NCAM1: variants seen among roughly 807,000 people sequenced by gnomAD.
The protein encoded by NCAM1 is antigen recognized by monoclonal antibody 5.1H11.
A neutral mutation model predicts 109.8 loss-of-function variants in NCAM1; 14 were observed. That is an observed-to-expected ratio of 0.13 (90% confidence interval 0.08 to 0.20). The LOEUF is 0.20. Among genes scored for constraint, NCAM1 ranks in the 10% least tolerant of loss-of-function variants. NCAM1 has a pLI of 1.00. For synonymous variants in NCAM1, 418 were observed against 442.9 expected (o/e 0.94, Z 0.70); for missense variants, 774 against 1,109.9 (o/e 0.70, Z 4.30).
intron 7 of NCAM1, among the ~76,000 whole-genome samples, chr11:113,212,675 C>T (rs1480560856): frequency 1.3e-5 from 2 of 152,140 alleles, no homozygotes; most frequent in African/African-American, 4.8e-5. Flanking sequence ...GTGACTTTTA[C>T]AATATAGAGA....
chr11:113,126,576 C>T (rs1941186584), intron 1 of NCAM1, among the ~76,000 whole-genome samples: 1 of 152,220 alleles, frequency 6.6e-6, no homozygotes, highest in Admixed American at 6.5e-5. Context: ...TCTATTATAT[C>T]ATTACAGTTC....
At chr11:113,239,523 T>TTG (rs55838074) in intron 14 of NCAM1, among the ~76,000 whole-genome samples, 2 of 120,054 alleles carry the variant, frequency 1.7e-5, no homozygotes, top group Admixed American at 8.4e-5. Context: ...TTTTTTTTTT[T>TTG]GAGACGGAGT....
intron 16 of NCAM1, among the ~76,000 whole-genome samples, chr11:113,257,489 T>A (rs1244406279): frequency 6.6e-6 from 1 of 152,208 alleles, no homozygotes; most frequent in East Asian, 1.9e-4. Context: ...GAAACCTTTA[T>A]AAATGGTCAC....
chr11:113,225,438 G>A (rs1944814714), intron 9 of NCAM1, among the ~76,000 whole-genome samples: 1 of 152,200 alleles, frequency 6.6e-6, no homozygotes, highest in African/African-American at 2.4e-5. Context: ...TATGTGAAAA[G>A]ACCAAATCTA....
intron 1 of NCAM1, among the ~76,000 whole-genome samples, chr11:113,128,906 GGTGT>G (rs782123739): frequency 0.13 from 10,627 of 84,770 alleles, 589 homozygotes; most frequent in East Asian, 0.33. Flanking sequence ...AAGTTGTGAG[GGTGT>G]GTGTGTGTGT....
rs375015033 is a variant in NCAM1 at position 113,231,761 on chromosome 11, C to T, written c.1206C>T (p.Gly402=). ...TCTGCACCGCCAGCAACACCATCGGCCAGGACTCCCAGTCCATGTACCTTG... is the reference window on the plus strand; with the variant it reads ...TCTGCACCGCCAGCAACACCATCGGTCAGGACTCCCAGTCCATGTACCTTG... ...EYICTASNTI[G]QDSQSMYLEV... Residue 402 remains glycine, a synonymous_variant, in exon 10 of 20, where the codon GGC becomes GGT. Transcript: ENST00000316851. 5.0e-6 allele frequency: 8 copies of T among 1,613,846 alleles called. No individual in the cohort carries two copies. Among genetic ancestry groups the T allele is most frequent in the Admixed American group, 1.7e-5 (1 of 59,994 alleles).
chr11:113,156,341 C>G (rs1942408147), intron 1 of NCAM1, among the ~76,000 whole-genome samples: 1 of 151,950 alleles, frequency 6.6e-6, no homozygotes, highest in African/African-American at 2.4e-5. Context: ...ATAAGATGTA[C>G]AAAACATAGA....
At chr11:112,991,868 G>A (rs1951465021) in intron 1 of NCAM1, among the ~76,000 whole-genome samples, 1 of 152,120 alleles carries the variant, frequency 6.6e-6, no homozygotes, top group Admixed American at 6.5e-5. Flanking sequence ...TTAATGATGG[G>A]TAATGTAACA....
chr11:113,157,635 G>C (rs567194509), intron 1 of NCAM1, among the ~76,000 whole-genome samples: 1 of 151,972 alleles, frequency 6.6e-6, no homozygotes, highest in Admixed American at 6.6e-5. Context: ...TTTCTGAATC[G>C]ATGATTATAA....
intron 1 of NCAM1, among the ~76,000 whole-genome samples, chr11:113,192,231 A>G (rs1401181474): frequency 6.6e-6 from 1 of 152,106 alleles, no homozygotes; most frequent in Non-Finnish European, 1.5e-5. Context: ...AAGCAATCAG[A>G]TAGTGTACAG....
intron 1 of NCAM1, among the ~76,000 whole-genome samples, chr11:113,136,439 T>G (rs991662353): frequency 6.6e-5 from 10 of 152,158 alleles, no homozygotes; most frequent in African/African-American, 2.2e-4. Context: ...CTTCGCATGG[T>G]GCAGGAGCAA....
intron 5 of NCAM1, 49 bp from the exon 6 acceptor site, chr11:113,207,212 G>A (rs782450123): frequency 1.1e-5 from 16 of 1,505,376 alleles, no homozygotes; most frequent in Admixed American, 8.4e-5. Context: ...AGGCCATTGG[G>A]TTCTTCCAAA....
chr11:113,079,465 T>C (rs1938689122), intron 1 of NCAM1, among the ~76,000 whole-genome samples: 1 of 152,150 alleles, frequency 6.6e-6, no homozygotes, highest in Non-Finnish European at 1.5e-5. Flanking sequence ...ACTGGGTATG[T>C]CCCAATACTT....
intron 1 of NCAM1, among the ~76,000 whole-genome samples, chr11:113,035,496 G>A (rs1940712): frequency 2.0e-5 from 3 of 152,064 alleles, no homozygotes; most frequent in South Asian, 2.1e-4. Context: ...CCCAAGACAC[G>A]AAGGAGATAT....
intron 1 of NCAM1, among the ~76,000 whole-genome samples, chr11:112,968,606 G>A (rs1212326036): frequency 3.3e-5 from 5 of 152,126 alleles, no homozygotes; most frequent in African/African-American, 4.8e-5. Context: ...AACGTACATC[G>A]TCCCTGTTTT....
chr11:113,271,129 G>T (rs190908292), intron 18 of NCAM1, among the ~76,000 whole-genome samples: 2 of 152,186 alleles, frequency 1.3e-5, no homozygotes, highest in Non-Finnish European at 2.9e-5. Flanking sequence ...CAGCACTTTG[G>T]GAGGCCGAGA....
At chr11:113,228,621 C>G (rs1279802714) in intron 9 of NCAM1, among the ~76,000 whole-genome samples, 11 of 152,158 alleles carry the variant, frequency 7.2e-5, no homozygotes, top group Admixed American at 2.0e-4. Context: ...GCCCGCATCA[C>G]CAAGTCAATC....
intron 1 of NCAM1, among the ~76,000 whole-genome samples, chr11:113,180,577 C>CT (rs1251592288): frequency 6.6e-6 from 1 of 152,242 alleles, no homozygotes; most frequent in East Asian, 1.9e-4. Context: ...CCCCGAATCT[C>CT]TGTGTGATGT....
intron 1 of NCAM1, among the ~76,000 whole-genome samples, chr11:113,025,188 A>G (rs1370956319): frequency 6.6e-6 from 1 of 152,132 alleles, no homozygotes; most frequent in Admixed American, 6.5e-5. Context: ...ATTTTTTTTC[A>G]TCAGGATTTG....
Sources: allele counts gnomAD v4.1 joint callset (sites outside exome capture counted in the v4.1 genomes callset), GRCh38; gene constraint gnomAD v4.1.1; transcripts MANE v1.5; gene names NCBI Gene and HGNC (gene_info 2026-07-23, HGNC 2026-07-21).